Variants in FLRT2 observed in about 807,000 individuals in gnomAD.
FLRT2 encodes fibronectin leucine rich transmembrane protein 2.
FLRT2 carries 15 observed loss-of-function variants against 40.0 expected under a neutral mutation model. That is an observed-to-expected ratio of 0.38 (90% CI 0.25 to 0.58). The LOEUF (loss-of-function observed/expected upper bound fraction) is 0.58, where lower values mean the gene tolerates loss of function less well. FLRT2 is among the 20% of genes least tolerant of loss of function. The pLI is 0.71. For missense variants in FLRT2, 726 were observed against 840.0 expected (o/e 0.86, Z 1.68); for synonymous variants, 380 against 336.8 (o/e 1.13, Z -1.41).
At chr14:85,585,916 A>G (rs1276821236) in intron 1 of FLRT2, among the ~76,000 whole-genome samples, 1 of 151,678 alleles carries the variant, frequency 6.6e-6, no homozygotes, top group Non-Finnish European at 1.5e-5. Context: ...AGATATTTTG[A>G]TAATTTACTT....
chr14:85,538,263 T>C (rs1422062542), intron 1 of FLRT2, among the ~76,000 whole-genome samples: 2 of 152,104 alleles, frequency 1.3e-5, no homozygotes, highest in South Asian at 2.1e-4. Context: ...AAAGAAAATA[T>C]TCTTATATAA....
chr14:85,539,083 A>T (rs1200257919), intron 1 of FLRT2, among the ~76,000 whole-genome samples: 1 of 151,980 alleles, frequency 6.6e-6, no homozygotes, highest in Non-Finnish European at 1.5e-5. Flanking sequence ...TCTTTTTAAG[A>T]TTGATTTTGA....
intron 1 of FLRT2, among the ~76,000 whole-genome samples, chr14:85,537,845 G>GTTT (rs55897031): frequency 8.2e-5 from 12 of 146,518 alleles, no homozygotes; most frequent in South Asian, 2.2e-4. Context: ...TTCATGTTTT[G>GTTT]TTTTTTTTTT....
At chr14:85,557,083 C>T (rs2139836579) in intron 1 of FLRT2, among the ~76,000 whole-genome samples, 1 of 152,254 alleles carries the variant, frequency 6.6e-6, no homozygotes, top group Non-Finnish European at 1.5e-5. Context: ...TTCAAATTAT[C>T]TTCCACTGGG....
intron 1 of FLRT2, among the ~76,000 whole-genome samples, chr14:85,600,161 A>G (rs896268211): frequency 1.3e-5 from 2 of 152,208 alleles, no homozygotes; most frequent in Non-Finnish European, 2.9e-5. Flanking sequence ...CGATAAGAGG[A>G]AGTAGTAGGA....
chr14:85,626,710 T>C lies in FLRT2; in HGVS notation c.*3213T>C, dbSNP rs1390623556. ...ATGTATCCCCTGCCTATTTTCCTTG[T>C]GTAACAAATGGAAAACATTCTCCCC... On this transcript the variant is annotated 3_prime_UTR_variant, in exon 2 of 2. Coordinates refer to ENST00000330753, the MANE Select transcript of FLRT2 (RefSeq NM_013231.6). The C allele has an allele frequency of 3.6e-5, 6 of 167,208 alleles. No homozygotes were observed. Among genetic ancestry groups the C allele is most frequent in the African/African-American group, 1.4e-4 (6 of 41,574 alleles). The allele number at this position is 167,208 out of a possible 1,614,324, so 10.4% of individuals were successfully genotyped here. A position where few individuals can be genotyped will look rare whatever the true frequency, so the allele number is the denominator to read the frequency against.
At position 85,642,573 on chromosome 14, in the gene FLRT2, A is replaced by C. The variant is rs573502433; in HGVS notation, c.*19076A>C. The C allele has an allele frequency of 6.6e-6, 1 of 152,260 alleles. No individual in the cohort carries two copies. Among genetic ancestry groups the C allele is most frequent in the African/African-American group, 2.4e-5 (1 of 41,554 alleles). 9.4% of individuals were successfully genotyped at this position (152,260 alleles called of 1,614,324 possible). The stretch of plus-strand genomic sequence containing the variant: ...AAAATAACAACAAAAAAACGGCAAT[A>C]GTTTGTTATTTTTTATCAGGAGAAA... On this transcript the variant is annotated 3_prime_UTR_variant, in exon 2 of 2. Coordinates refer to ENST00000330753, the MANE Select transcript of FLRT2 (RefSeq NM_013231.6).
chr14:85,654,227 A>T lies in FLRT2; in HGVS notation c.*30730A>T, dbSNP rs1029360429. On this transcript the variant is annotated 3_prime_UTR_variant, in exon 2 of 2. Transcript: ENST00000330753. ...CTAACAGCATGGATTTGAGACAGTT[A>T]TGAAAATGCCATGGTATCATTCTGT... is the stretch of plus-strand genomic sequence containing the variant. 6.6e-6 allele frequency: 1 copy of T among 152,182 alleles called. No individual in the cohort carries two copies. The highest frequency in any genetic ancestry group is 1.5e-5 in the Non-Finnish European group (1 of 68,036). 9.4% of individuals were successfully genotyped at this position (152,182 alleles called of 1,614,324 possible).
intron 1 of FLRT2, among the ~76,000 whole-genome samples, chr14:85,607,662 T>G (rs1218853465): frequency 6.6e-6 from 1 of 152,236 alleles, no homozygotes; most frequent in Non-Finnish European, 1.5e-5. Flanking sequence ...TTTGCAGTCC[T>G]TCTATGAGAG....
chr14:85,538,560 A>C (rs752691672), intron 1 of FLRT2, among the ~76,000 whole-genome samples: 2 of 151,914 alleles, frequency 1.3e-5, no homozygotes, highest in Non-Finnish European at 2.9e-5. Context: ...GTTATATTTC[A>C]GTTCTCTTTA....
At chr14:85,613,614 C>T (rs575028034) in intron 1 of FLRT2, among the ~76,000 whole-genome samples, 1 of 152,258 alleles carries the variant, frequency 6.6e-6, no homozygotes, top group African/African-American at 2.4e-5. Context: ...ACAAAGTAAT[C>T]ATCTGAAGGT....
chr14:85,531,830 A>G (rs1888299468), intron 1 of FLRT2, among the ~76,000 whole-genome samples: 1 of 152,214 alleles, frequency 6.6e-6, no homozygotes, highest in Non-Finnish European at 1.5e-5. Context: ...TGCAACAGGA[A>G]CAGCGACCCG....
At position 85,640,627 on chromosome 14, in the gene FLRT2, A is replaced by G. The variant is rs1894128775; in HGVS notation, c.*17130A>G. 1.3e-5 allele frequency: 2 copies of G among 152,170 alleles called. No homozygotes were observed. The highest frequency in any genetic ancestry group is 2.1e-4 in the South Asian group (1 of 4,832). The allele number at this position is 152,170 out of a possible 1,614,324, so 9.4% of individuals were successfully genotyped here. A position where few individuals can be genotyped will look rare whatever the true frequency, so the allele number is the denominator to read the frequency against. Reference sequence around the variant, plus strand: ...AACTACTTGCTGCCATAAATTTTTTACTATTGAATAAATATGCTTTGTGAA... The same window carrying G: ...AACTACTTGCTGCCATAAATTTTTTGCTATTGAATAAATATGCTTTGTGAA... On this transcript the variant is annotated 3_prime_UTR_variant, in exon 2 of 2. Transcript: ENST00000330753.
In FLRT2 at chr14:85,642,317, T is replaced by C. The variant is rs568681157; in HGVS notation, c.*18820T>C. 6.6e-6 allele frequency: 1 copy of C among 152,224 alleles called. No homozygotes were observed. Among genetic ancestry groups the C allele is most frequent in the Admixed American group, 6.5e-5 (1 of 15,282 alleles). The allele number at this position is 152,224 out of a possible 1,614,324, so 9.4% of individuals were successfully genotyped here. A position where few individuals can be genotyped will look rare whatever the true frequency, so the allele number is the denominator to read the frequency against. On this transcript the variant is annotated 3_prime_UTR_variant, in exon 2 of 2. Coordinates refer to ENST00000330753, the MANE Select transcript of FLRT2 (RefSeq NM_013231.6). ...GGAATGTTAGGTAGGTTTAAATTATTCTGACTATACTGAACCCCCAAGTCC... is the reference window on the plus strand; with the variant it reads ...GGAATGTTAGGTAGGTTTAAATTATCCTGACTATACTGAACCCCCAAGTCC...
rs868298706 is a variant in FLRT2 at position 85,649,183 on chromosome 14, A to G, written c.*25686A>G. The G allele has an allele frequency of 6.6e-6, 1 of 152,018 alleles. No homozygotes were observed. Among genetic ancestry groups the G allele is most frequent in the Non-Finnish European group, 1.5e-5 (1 of 68,004 alleles). The allele number at this position is 152,018 out of a possible 1,614,324, so 9.4% of individuals were successfully genotyped here. A position where few individuals can be genotyped will look rare whatever the true frequency, so the allele number is the denominator to read the frequency against. ...TTTAGAATCTGGAAATTTACAAACT[A>G]TTAATTTTCTTTTCTACAGTTTCCT... On this transcript the variant is annotated 3_prime_UTR_variant, in exon 2 of 2. Transcript: ENST00000330753.
chr14:85,561,835 C>G (rs1246356704), intron 1 of FLRT2, among the ~76,000 whole-genome samples: 2 of 152,072 alleles, frequency 1.3e-5, no homozygotes, highest in African/African-American at 2.4e-5. Context: ...TTAGATAGCC[C>G]CGGTCTTTGG....
chr14:85,574,931 A>C (rs1004346073), intron 1 of FLRT2, among the ~76,000 whole-genome samples: 2 of 152,196 alleles, frequency 1.3e-5, no homozygotes, highest in African/African-American at 4.8e-5. Context: ...ATACCAAACA[A>C]GGTAGGAAAC....
chr14:85,616,800 TA>T (rs1595090374), intron 1 of FLRT2, among the ~76,000 whole-genome samples: 1 of 152,212 alleles, frequency 6.6e-6, no homozygotes, highest in East Asian at 1.9e-4. Context: ...ACTTAACTTT[TA>T]AGCCTCATGA....
At chr14:85,560,316 T>C (rs182413339) in intron 1 of FLRT2, among the ~76,000 whole-genome samples, 207 of 152,172 alleles carry the variant, frequency 1.4e-3, no homozygotes, top group African/African-American at 4.7e-3. Context: ...CAGTGGCTCA[T>C]GACTGTAATC....
Sources: gnomAD v4.1 joint callset for allele counts (sites outside exome capture counted in the v4.1 genomes callset) on GRCh38, gnomAD v4.1.1 for gene constraint, MANE v1.5 for transcripts, NCBI Gene and HGNC (gene_info 2026-07-23, HGNC 2026-07-21) for gene names.